The following PRKN variants were observed in gnomAD, a reference collection of about 807,000 sequenced individuals.
The protein encoded by PRKN is E3 ubiquitin-protein ligase parkin.
A neutral mutation model predicts 59.5 loss-of-function variants in PRKN; 56 were observed. The ratio of observed to expected loss-of-function variants is 0.94; its 90% CI spans 0.76 to 1.18. The LOEUF (loss-of-function observed/expected upper bound fraction) is 1.18. Ranked by LOEUF, PRKN falls within the 50% of genes most tolerant of loss-of-function variation. PRKN has a pLI of 0.00. For synonymous variants in PRKN, 250 were observed against 222.1 expected (o/e 1.13, Z -1.12); for missense variants, 657 against 596.4 (o/e 1.10, Z -1.06).
At chr6:162,278,871 CAAAG>C (rs886799431) in intron 2 of PRKN, among the ~76,000 whole-genome samples, 15 of 151,956 alleles carry the variant, frequency 9.9e-5, no homozygotes, top group Non-Finnish European at 1.9e-4. Flanking sequence ...GTGAGGGAGA[CAAAG>C]AAAGATAAAG....
rs71544920 is a variant in PRKN, at chr6:161,858,858, C to CTTTTTTTTTTTTTTTTTTTT, written c.735-72970_735-72951dup. Reference sequence around the variant, plus strand: ...CTTTCAATTAACTAGCACAGCTGTACTTTTTTTTTTTTTTTTTTTTGAGAC... The same window carrying CTTTTTTTTTTTTTTTTTTTT: ...CTTTCAATTAACTAGCACAGCTGTACTTTTTTTTTTTTTTTTTTTTTTTTTTTTTTTTTTTTTTTTGAGAC... On this transcript the variant is annotated intron_variant, in intron 6 of 11. Transcript: ENST00000366898. Among the ~76,000 whole-genome samples, 56 of 71,946 alleles carry CTTTTTTTTTTTTTTTTTTTT rather than the reference C, an allele frequency of 7.8e-4. 14 individuals carry two copies. The highest frequency in any genetic ancestry group is 1.2e-3 in the Non-Finnish European group (46 of 37,042). The allele number at this position is 71,946 out of a possible 152,430, so 47.2% of individuals were successfully genotyped here.
In PRKN at chr6:162,197,231, A is replaced by G. The variant is rs151224181; in HGVS notation, c.534+3900T>C. ...TTACACTTGGCAAAGTTTAGCACCT[A>G]CTCCATTATTGCAAAGCCTAAATTT... On this transcript the variant is annotated intron_variant, in intron 4 of 11. Coordinates refer to ENST00000366898, the MANE Select transcript of PRKN (RefSeq NM_004562.3). Among the ~76,000 whole-genome samples, 31 of 152,236 alleles carry G rather than the reference A, an allele frequency of 2.0e-4. 1 individual carries two copies. The highest frequency in any genetic ancestry group is 7.5e-4 in the African/African-American group (31 of 41,546).
At chr6:161,455,321 G>A (rs1789917814) in intron 9 of PRKN, among the ~76,000 whole-genome samples, 1 of 152,122 alleles carries the variant, frequency 6.6e-6, no homozygotes, top group Non-Finnish European at 1.5e-5. Context: ...ACAGATGTGA[G>A]CCACCACGCC....
At chr6:161,776,037 G>A (rs547030312) in intron 7 of PRKN, among the ~76,000 whole-genome samples, 2 of 152,334 alleles carry the variant, frequency 1.3e-5, no homozygotes, top group African/African-American at 4.8e-5. Context: ...TACTAATGGT[G>A]AGGCTGATGG....
chr6:162,018,543 G>A (rs73030431), intron 5 of PRKN, among the ~76,000 whole-genome samples: 32,202 of 152,064 alleles, frequency 0.21, 3,581 homozygotes, highest in African/African-American at 0.29. Flanking sequence ...ATGGTAATAC[G>A]AATTAAGCTC....
In PRKN at chr6:161,456,013, G is replaced by A. The variant is rs1231919726; in HGVS notation, c.1084-69136C>T. Among the ~76,000 whole-genome samples the A allele has an allele frequency of 6.6e-6, 1 of 152,128 alleles. No individual in the cohort carries two copies. Among genetic ancestry groups the A allele is most frequent in the East Asian group, 1.9e-4 (1 of 5,190 alleles). On this transcript the variant is annotated intron_variant, in intron 9 of 11. Transcript: ENST00000366898. The surrounding 1 kb of genome is among the most constrained non-coding windows in gnomAD (Gnocchi z 4.8). The stretch of plus-strand genomic sequence containing the variant: ...GTTTCTTCCAGTTCAAAATCACTAT[G>A]AAAAAATGTTTTCCTAAGGAGAACG...
intron 1 of PRKN, among the ~76,000 whole-genome samples, chr6:162,544,212 A>C (rs567748261): frequency 2.2e-4 from 33 of 152,286 alleles, no homozygotes; most frequent in African/African-American, 7.2e-4. Flanking sequence ...ATAAGCATAT[A>C]AGATGCTCAT....
chr6:162,598,519 A>G (rs1781573969), intron 1 of PRKN, among the ~76,000 whole-genome samples: 1 of 152,180 alleles, frequency 6.6e-6, no homozygotes, highest in Non-Finnish European at 1.5e-5. Flanking sequence ...TCTATAAATA[A>G]CAGAAAATAT....
chr6:162,362,838 GT>G (rs1487648565), intron 2 of PRKN, among the ~76,000 whole-genome samples: 2 of 151,958 alleles, frequency 1.3e-5, no homozygotes, highest in Non-Finnish European at 2.9e-5. Context: ...TATAAAAATT[GT>G]TTCCCCTGGC....
intron 4 of PRKN, among the ~76,000 whole-genome samples, chr6:162,157,410 G>A (rs1252785079): frequency 6.6e-6 from 1 of 150,944 alleles, no homozygotes; most frequent in East Asian, 2.0e-4. Context: ...GTTACTAAGT[G>A]TTCTGTTCAT....
At position 161,360,855 on chromosome 6, in the gene PRKN, C is replaced by T. The variant is rs936094830; in HGVS notation, c.1168-650G>A. Among the ~76,000 whole-genome samples the T allele has an allele frequency of 2.6e-5, 4 of 152,130 alleles. No individual in the cohort carries two copies. Among genetic ancestry groups the T allele is most frequent in the East Asian group, 1.9e-4 (1 of 5,200 alleles). ...GGTTCAAATCCCAGCTCTACCCAGA[C>T]GGGTGACTCTGGAAACATTCCCTAA... On this transcript the variant is annotated intron_variant, in intron 10 of 11. Transcript: ENST00000366898. The surrounding 1 kb of genome is among the most constrained non-coding windows in gnomAD (Gnocchi z 5.1).
chr6:162,657,741 T>C (rs1198589824), intron 1 of PRKN, among the ~76,000 whole-genome samples: 1 of 152,182 alleles, frequency 6.6e-6, no homozygotes, highest in Non-Finnish European at 1.5e-5. Context: ...TGTAGTCAGA[T>C]GTGAACACCC....
chr6:161,606,380 G>A (rs1439917632), intron 7 of PRKN, among the ~76,000 whole-genome samples: 1 of 152,142 alleles, frequency 6.6e-6, no homozygotes, highest in African/African-American at 2.4e-5. Context: ...AGTCTGGGAT[G>A]ACTTCAGGGT....
intron 3 of PRKN, among the ~76,000 whole-genome samples, chr6:162,207,036 C>A (rs1784977428): frequency 6.6e-6 from 1 of 152,134 alleles, no homozygotes; most frequent in African/African-American, 2.4e-5. Flanking sequence ...ACTGGACTTC[C>A]TGAATCACCT....
rs2115373249 is a variant in PRKN, at chr6:161,527,089, A to T, written c.1083+21765T>A. ...CACCTGTGACAGAGTCTGTCTGGGT[A>T]AGGTATCACCTCCAATCTTACCTCC... On this transcript the variant is annotated intron_variant, in intron 9 of 11. Coordinates refer to ENST00000366898, the MANE Select transcript of PRKN (RefSeq NM_004562.3). The surrounding 1 kb of genome is among the most constrained non-coding windows in gnomAD (Gnocchi z 4.6). Among the ~76,000 whole-genome samples, 1 of 152,300 alleles carries T rather than the reference A, an allele frequency of 6.6e-6. No individual in the cohort carries two copies. The highest frequency in any genetic ancestry group is 6.5e-5 in the Admixed American group (1 of 15,300).
intron 1 of PRKN, among the ~76,000 whole-genome samples, chr6:162,651,040 A>G (rs1168646948): frequency 6.6e-6 from 1 of 152,188 alleles, no homozygotes; most frequent in African/African-American, 2.4e-5. Context: ...TCTAGATAGG[A>G]TAGGCCAGAG....
At chr6:162,088,300 T>C (rs534500997) in intron 4 of PRKN, among the ~76,000 whole-genome samples, 6 of 152,296 alleles carry the variant, frequency 3.9e-5, no homozygotes, top group East Asian at 1.9e-4. Flanking sequence ...CGTGACCTCA[T>C]TATCCTTATT....
At chr6:161,951,356 G>C (rs914552908) in intron 6 of PRKN, among the ~76,000 whole-genome samples, 1 of 152,088 alleles carries the variant, frequency 6.6e-6, no homozygotes, top group Non-Finnish European at 1.5e-5. Flanking sequence ...GTTTCTAATG[G>C]CCTGTAAACA....
At chr6:162,627,218 C>A (rs999928084) in intron 1 of PRKN, among the ~76,000 whole-genome samples, 1 of 152,108 alleles carries the variant, frequency 6.6e-6, no homozygotes, top group Non-Finnish European at 1.5e-5. Context: ...AAGGTCCTTC[C>A]TTATGAAGAA....
Sources: allele counts gnomAD v4.1 joint callset (sites outside exome capture counted in the v4.1 genomes callset), GRCh38; gene constraint gnomAD v4.1.1; non-coding constraint Gnocchi (gnomAD v3.1); transcripts MANE v1.5; gene names NCBI Gene and HGNC (gene_info 2026-07-23, HGNC 2026-07-21).